ATXN1: variants seen among roughly 807,000 people sequenced by gnomAD.
The protein encoded by ATXN1 is ataxin-1.
In ATXN1, 8 loss-of-function variants were observed where a neutral mutation model predicts 56.4. The ratio of observed to expected loss-of-function variants is 0.14; its 90% CI spans 0.08 to 0.26. The LOEUF (loss-of-function observed/expected upper bound fraction) is 0.26. Among genes scored for constraint, ATXN1 ranks in the 10% least tolerant of loss-of-function variants. The pLI is 1.00. For synonymous variants in ATXN1, 514 were observed against 494.6 expected, an observed-to-expected ratio of 1.04 and a Z score of -0.52; for missense variants, 987 against 1,106.5, an observed-to-expected ratio of 0.89 and a Z score of 1.53.
chr6:16,477,860 A>G (rs1416387437), intron 6 of ATXN1, among the ~76,000 whole-genome samples: 2 of 152,092 alleles, frequency 1.3e-5, no homozygotes, highest in African/African-American at 4.8e-5. Flanking sequence ...TTAGTAAGTG[A>G]CACTCCCATG....
chr6:16,531,388 C>T lies in ATXN1; in HGVS notation c.-360-8700G>A, dbSNP rs139503642. 2.7e-3 allele frequency among the ~76,000 whole-genome samples: 409 copies of T among 152,176 alleles called. 1 individual carries two copies. The highest frequency in any genetic ancestry group is 8.8e-3 in the African/African-American group (366 of 41,548). ...CTGTAATCCTAACACTTTGGGAGGC[C>T]GAGGCCAGTGGATCACCTGAGGTCA... On this transcript the variant is annotated intron_variant, in intron 4 of 7. Transcript: ENST00000436367.
chr6:16,541,127 C>T (rs1034715809), intron 4 of ATXN1, among the ~76,000 whole-genome samples: 5 of 152,154 alleles, frequency 3.3e-5, no homozygotes, highest in African/African-American at 7.2e-5. Context: ...GAAGCTGCCC[C>T]GCTGCCCCGG....
intron 2 of ATXN1, among the ~76,000 whole-genome samples, chr6:16,677,267 G>A (rs368421491): frequency 4.6e-5 from 7 of 152,244 alleles, no homozygotes; most frequent in Non-Finnish European, 2.9e-5. Context: ...CATTAATTAC[G>A]TGTGCTCTGG....
chr6:16,355,481 G>A (rs1761666703), intron 6 of ATXN1, among the ~76,000 whole-genome samples: 1 of 152,146 alleles, frequency 6.6e-6, no homozygotes, highest in African/African-American at 2.4e-5. Flanking sequence ...TGGTGGGGGA[G>A]GAGAAGCCCC....
At chr6:16,581,510 G>A (rs1426018243) in intron 4 of ATXN1, among the ~76,000 whole-genome samples, 2 of 152,090 alleles carry the variant, frequency 1.3e-5, no homozygotes, top group African/African-American at 4.8e-5. Context: ...TGTTATTTAA[G>A]AGACCACTAA....
At chr6:16,730,891 C>T (rs763823324) in intron 2 of ATXN1, among the ~76,000 whole-genome samples, 28 of 152,094 alleles carry the variant, frequency 1.8e-4, no homozygotes, top group Non-Finnish European at 2.8e-4. Context: ...TTCTGGGTGC[C>T]GGGCCATGCT....
chr6:16,720,296 C>A (rs1367640144), intron 2 of ATXN1, among the ~76,000 whole-genome samples: 1 of 152,166 alleles, frequency 6.6e-6, no homozygotes, highest in African/African-American at 2.4e-5. Flanking sequence ...CCTAACATAT[C>A]CTACTCTATT....
chr6:16,386,599 G>A (rs1341626945), intron 6 of ATXN1, among the ~76,000 whole-genome samples: 3 of 152,168 alleles, frequency 2.0e-5, no homozygotes, highest in South Asian at 2.1e-4. Context: ...AGCTCCTTGA[G>A]TTATTCTGAT....
intron 2 of ATXN1, among the ~76,000 whole-genome samples, chr6:16,730,643 T>C (rs572222807): frequency 6.6e-6 from 1 of 152,172 alleles, no homozygotes; most frequent in South Asian, 2.1e-4. Flanking sequence ...CAAGACTTTT[T>C]AGGAATAGCA....
Position 16,312,817 on chromosome 6 carries a change from C to A in ATXN1, c.1918-5958G>T, listed in dbSNP as rs58082907. 8.1e-3 allele frequency among the ~76,000 whole-genome samples: 1,227 copies of A among 152,120 alleles called. 19 individuals are homozygous for A. Among genetic ancestry groups the A allele is most frequent in the African/African-American group, 0.027 (1,129 of 41,444 alleles). ...TCGATACTAACCCCTTCGTCTCCCC[C>A]CATACCCCCCTCCCATAAAAACCCT... On this transcript the variant is annotated intron_variant, in intron 7 of 7. Transcript: ENST00000436367.
chr6:16,408,515 T>TTA (rs1554144321), intron 6 of ATXN1, among the ~76,000 whole-genome samples: 1 of 136,848 alleles, frequency 7.3e-6, no homozygotes. Flanking sequence ...ATGAGGATGG[T>TTA]AAAAAAAAAA....
chr6:16,691,087 T>C (rs1050725444), intron 2 of ATXN1, among the ~76,000 whole-genome samples: 3 of 152,248 alleles, frequency 2.0e-5, no homozygotes, highest in Admixed American at 6.5e-5. Flanking sequence ...CGAAATGACA[T>C]GATGCAACCA....
At chr6:16,753,124 A>G (rs1351593043) in intron 2 of ATXN1, 109 bp downstream of exon 2, 1 of 391,002 alleles carries the variant, frequency 2.6e-6, no homozygotes. Context: ...GTTTGCAAAG[A>G]AAATGATATT....
chr6:16,760,927 G>A lies in ATXN1; in HGVS notation c.-730+371C>T, dbSNP rs1761073504. ...CGCCGCCGCCGCTCTCCCCGCCCGC[G>A]CCCCCCGCCCGGGCGCGCCCCCTAG... On this transcript the variant is annotated intron_variant, in intron 1 of 7. Coordinates refer to ENST00000436367, the MANE Select transcript of ATXN1 (RefSeq NM_001128164.2). This position sits in a 1 kb window ranked among gnomAD's most constrained non-coding sequence, Gnocchi z 5.3. Among the ~76,000 whole-genome samples the A allele has an allele frequency of 6.8e-6, 1 of 147,304 alleles. No individual in the cohort carries two copies. Among genetic ancestry groups the A allele is most frequent in the Non-Finnish European group, 1.5e-5 (1 of 66,336 alleles).
chr6:16,361,807 G>C (rs370876478), intron 6 of ATXN1, among the ~76,000 whole-genome samples: 1 of 152,156 alleles, frequency 6.6e-6, no homozygotes, highest in Admixed American at 6.5e-5. Flanking sequence ...TGATTTTCCT[G>C]TGAGGCCAGC....
At chr6:16,640,051 T>C (rs774947266) in intron 3 of ATXN1, among the ~76,000 whole-genome samples, 6 of 152,170 alleles carry the variant, frequency 3.9e-5, no homozygotes, top group Non-Finnish European at 8.8e-5. Context: ...TTGTTGTCCT[T>C]TGCAGATACT....
intron 2 of ATXN1, among the ~76,000 whole-genome samples, chr6:16,750,968 CTTTTT>C (rs35690453): frequency 7.4e-5 from 10 of 135,864 alleles, no homozygotes; most frequent in African/African-American, 2.2e-4. Flanking sequence ...TCTTTCCTCT[CTTTTT>C]TTTTTTTTTT....
intron 6 of ATXN1, among the ~76,000 whole-genome samples, chr6:16,479,234 A>T (rs1760388295): frequency 6.6e-6 from 1 of 152,192 alleles, no homozygotes; most frequent in Non-Finnish European, 1.5e-5. Flanking sequence ...CTGAAAACTT[A>T]ATTTCTCTAA....
chr6:16,313,587 C>T (rs1760447863), intron 7 of ATXN1, among the ~76,000 whole-genome samples: 1 of 149,978 alleles, frequency 6.7e-6, no homozygotes, highest in Non-Finnish European at 1.5e-5. Context: ...GACAGAGTCT[C>T]GCTCTGTCAC....
Sources: gnomAD v4.1 joint callset for allele counts (sites outside exome capture counted in the v4.1 genomes callset) on GRCh38, gnomAD v4.1.1 for gene constraint, Gnocchi (gnomAD v3.1) non-coding constraint, MANE v1.5 for transcripts, NCBI Gene and HGNC (gene_info 2026-07-23, HGNC 2026-07-21) for gene names.